PXDNL: variants seen among roughly 807,000 people sequenced by gnomAD.
PXDNL encodes probable oxidoreductase PXDNL.
In PXDNL, 145 loss-of-function variants were observed where a neutral mutation model predicts 150.8. That is an observed-to-expected ratio of 0.96 (90% CI 0.84 to 1.10). The LOEUF is 1.10. PXDNL is among the 50% of genes least tolerant of loss of function. The probability of loss-of-function intolerance (pLI) is 0.00; values close to 1 mark genes in which losing one functional copy is unlikely to be tolerated. For missense variants in PXDNL, 2,087 were observed against 1,873.9 expected, an observed-to-expected ratio of 1.11 and a Z score of -2.10; for synonymous variants, 757 against 725.7, an observed-to-expected ratio of 1.04 and a Z score of -0.69.
intron 22 of PXDNL, 176 bp downstream of exon 22, chr8:51,320,608 C>T (rs1805286146): frequency 5.2e-6 from 3 of 572,018 alleles, no homozygotes; most frequent in Non-Finnish European, 9.2e-6. Flanking sequence ...TGACTATACT[C>T]TTTTATTAAT....
intron 1 of PXDNL, among the ~76,000 whole-genome samples, chr8:51,698,354 A>G (rs1201477931): frequency 6.6e-6 from 1 of 152,216 alleles, no homozygotes; most frequent in Non-Finnish European, 1.5e-5. Flanking sequence ...TCATTTCAAC[A>G]ATGTTCACAG....
chr8:51,784,523 T>C (rs560063744), intron 1 of PXDNL, among the ~76,000 whole-genome samples: 69 of 152,336 alleles, frequency 4.5e-4, no homozygotes, highest in African/African-American at 1.6e-3. Context: ...AAACATTAAA[T>C]AGAAAATATA....
chr8:51,356,426 T>C (rs1438701378), intron 19 of PXDNL, among the ~76,000 whole-genome samples: 2 of 150,896 alleles, frequency 1.3e-5, no homozygotes, highest in East Asian at 1.9e-4. Context: ...GAGGTGGAGG[T>C]TGCAGTGAGC....
In PXDNL at chr8:51,364,558, C is replaced by T. The variant is rs113947136; in HGVS notation, c.3901+7315G>A. ...GAAAAAGGAGATGGTTGTGTGGACT[C>T]ATGGGGTATACTTTTATTTTGTGAA... On this transcript the variant is annotated intron_variant, in intron 19 of 22. Coordinates refer to ENST00000356297, the MANE Select transcript of PXDNL (RefSeq NM_144651.5). Among the ~76,000 whole-genome samples, 1,015 of 152,212 alleles carry T rather than the reference C, an allele frequency of 6.7e-3. 10 individuals carry two copies. The highest frequency in any genetic ancestry group is 0.023 in the African/African-American group (959 of 41,534).
intron 1 of PXDNL, among the ~76,000 whole-genome samples, chr8:51,705,931 A>G (rs900238856): frequency 6.6e-6 from 1 of 152,266 alleles, no homozygotes; most frequent in Non-Finnish European, 1.5e-5. Flanking sequence ...ATTTCCAGAC[A>G]AAGTGGAAAG....
chr8:51,352,052 G>A (rs1806369803), intron 19 of PXDNL, among the ~76,000 whole-genome samples: 1 of 151,960 alleles, frequency 6.6e-6, no homozygotes, highest in Non-Finnish European at 1.5e-5. Flanking sequence ...GATGACATGA[G>A]GGCGTGACTC....
Position 51,712,813 on chromosome 8 carries a change from G to A in PXDNL, c.165-58053C>T, listed in dbSNP as rs572563676. ...GTTAAAATATTCCTTTCAAACTTCT[G>A]TTTTGAAAATACTTCTAATACCTTA... On this transcript the variant is annotated intron_variant, in intron 1 of 22. Transcript: ENST00000356297. 2.6e-5 allele frequency among the ~76,000 whole-genome samples: 4 copies of A among 152,278 alleles called. No individual in the cohort carries two copies. In the South Asian group the frequency reaches 8.3e-4, roughly 32 times the overall value.
In PXDNL at chr8:51,488,456, C is replaced by G. The variant is rs140760510; in HGVS notation, c.453-4742G>C. Among the ~76,000 whole-genome samples, 115 of 152,172 alleles carry G rather than the reference C, an allele frequency of 7.6e-4. 1 individual carries two copies. The East Asian group carries it at 0.021, about 27-fold the overall frequency. ...TAGTAGCCACCATCCATACAGAACA[C>G]CGACAGCTAAGAGGAAAATGTTATT... On this transcript the variant is annotated intron_variant, in intron 5 of 22. Transcript: ENST00000356297.
chr8:51,571,923 A>G (rs1777737673), intron 3 of PXDNL, among the ~76,000 whole-genome samples: 1 of 151,870 alleles, frequency 6.6e-6, no homozygotes, highest in South Asian at 2.1e-4. Flanking sequence ...AATGTGTAGA[A>G]TAAGTGAATG....
At chr8:51,674,360 C>T (rs954929701) in intron 1 of PXDNL, among the ~76,000 whole-genome samples, 5 of 152,068 alleles carry the variant, frequency 3.3e-5, no homozygotes, top group African/African-American at 7.3e-5. Context: ...TTAACTGAAA[C>T]GTAAAGGAAA....
At chr8:51,429,904 T>C (rs1281698832) in intron 12 of PXDNL, among the ~76,000 whole-genome samples, 1 of 152,160 alleles carries the variant, frequency 6.6e-6, no homozygotes, top group Non-Finnish European at 1.5e-5. Flanking sequence ...AATCACATGG[T>C]ATATTCTAAG....
At chr8:51,360,461 A>G (rs1181084599) in intron 19 of PXDNL, among the ~76,000 whole-genome samples, 1 of 152,208 alleles carries the variant, frequency 6.6e-6, no homozygotes, top group Non-Finnish European at 1.5e-5. Flanking sequence ...TACAATACAT[A>G]CATCTACATG....
intron 2 of PXDNL, among the ~76,000 whole-genome samples, chr8:51,610,182 G>T (rs1287303097): frequency 1.3e-5 from 2 of 152,090 alleles, no homozygotes; most frequent in Non-Finnish European, 2.9e-5. Flanking sequence ...ACACCTGTTG[G>T]TCCTTGTGAG....
At chr8:51,797,972 A>G (rs2037580343) in intron 1 of PXDNL, among the ~76,000 whole-genome samples, 1 of 152,214 alleles carries the variant, frequency 6.6e-6, no homozygotes, top group Non-Finnish European at 1.5e-5. Flanking sequence ...CTGATACAAA[A>G]ACAGACACAT....
chr8:51,427,553 A>T (rs1809140199), intron 12 of PXDNL, among the ~76,000 whole-genome samples: 2 of 152,234 alleles, frequency 1.3e-5, no homozygotes, highest in Non-Finnish European at 2.9e-5. Context: ...CACCATGAGC[A>T]AGTAAGGTTT....
chr8:51,636,840 A>T (rs1814613597), intron 2 of PXDNL, among the ~76,000 whole-genome samples: 1 of 151,478 alleles, frequency 6.6e-6, no homozygotes, highest in South Asian at 2.1e-4. Flanking sequence ...ACCTGTCCTG[A>T]GTAGTGGTTC....
At chr8:51,428,672 C>T (rs1233675830) in intron 12 of PXDNL, among the ~76,000 whole-genome samples, 1 of 152,164 alleles carries the variant, frequency 6.6e-6, no homozygotes, top group Non-Finnish European at 1.5e-5. Flanking sequence ...AAAAATAAAC[C>T]TTTACCTAAG....
At chr8:51,764,199 A>G (rs190382502) in intron 1 of PXDNL, among the ~76,000 whole-genome samples, 6 of 151,668 alleles carry the variant, frequency 4.0e-5, no homozygotes, top group Admixed American at 3.9e-4. Context: ...TCTTTTCTCT[A>G]TCTCCTTTTT....
chr8:51,333,484 A>G (rs1372126418), intron 21 of PXDNL, among the ~76,000 whole-genome samples: 1 of 152,232 alleles, frequency 6.6e-6, no homozygotes, highest in African/African-American at 2.4e-5. Context: ...TGAATGCAAC[A>G]GTACCTCACA....
Sources: allele counts gnomAD v4.1 joint callset (sites outside exome capture counted in the v4.1 genomes callset), GRCh38; gene constraint gnomAD v4.1.1; transcripts MANE v1.5; gene names NCBI Gene and HGNC (gene_info 2026-07-23, HGNC 2026-07-21).